The following DSCAM variants were observed in gnomAD, a reference collection of about 807,000 sequenced individuals.
DSCAM encodes DS cell adhesion molecule, also known as cell adhesion molecule DSCAM.
In DSCAM, 47 loss-of-function variants were observed where a neutral mutation model predicts 217.7. That is an observed-to-expected ratio of 0.22 (90% confidence interval 0.17 to 0.28). The LOEUF is 0.28. Among genes scored for constraint, DSCAM ranks in the 10% least tolerant of loss-of-function variants. The probability of loss-of-function intolerance (pLI) is 1.00; values close to 1 mark genes in which losing one functional copy is unlikely to be tolerated. For missense variants in DSCAM, 2,080 were observed against 2,618.3 expected (o/e 0.79, Z 4.49); for synonymous variants, 1,056 against 1,015.3 (o/e 1.04, Z -0.76).
intron 2 of DSCAM, among the ~76,000 whole-genome samples, chr21:40,706,613 C>A (rs904284027): frequency 6.6e-6 from 1 of 152,120 alleles, no homozygotes; most frequent in Non-Finnish European, 1.5e-5. Context: ...GAAGAGGATA[C>A]CCCGTGAGTG....
chr21:40,260,017 G>A (rs953068100), intron 11 of DSCAM, among the ~76,000 whole-genome samples: 10 of 151,838 alleles, frequency 6.6e-5, no homozygotes, highest in East Asian at 2.0e-4. Flanking sequence ...GTGAGCCACC[G>A]CGCCCAGCCG....
At chr21:40,277,430 G>C (rs1406108534) in intron 10 of DSCAM, among the ~76,000 whole-genome samples, 1 of 152,134 alleles carries the variant, frequency 6.6e-6, no homozygotes, top group Non-Finnish European at 1.5e-5. Context: ...CACAATGGCA[G>C]AGACTGTGGC....
chr21:40,710,445 A>G (rs964693866), intron 1 of DSCAM, among the ~76,000 whole-genome samples: 7 of 152,180 alleles, frequency 4.6e-5, no homozygotes, highest in African/African-American at 1.2e-4. Context: ...AAAATGTACC[A>G]TTTTTATAAC....
intron 4 of DSCAM, among the ~76,000 whole-genome samples, chr21:40,366,594 T>A (rs533317238): frequency 6.6e-5 from 10 of 152,160 alleles, no homozygotes; most frequent in African/African-American, 2.4e-4. Flanking sequence ...TAGTTACTTA[T>A]AATCAAAACT....
intron 32 of DSCAM, among the ~76,000 whole-genome samples, chr21:40,039,082 G>T (rs58427090): frequency 1.3e-5 from 2 of 150,118 alleles, no homozygotes; most frequent in Non-Finnish European, 1.5e-5. Context: ...ACCAGTTAGT[G>T]GGTGCAGCGC....
chr21:40,531,354 CCT>C (rs1413585522), intron 3 of DSCAM, among the ~76,000 whole-genome samples: 2 of 152,184 alleles, frequency 1.3e-5, no homozygotes, highest in Admixed American at 1.3e-4. Flanking sequence ...TTCATTCACC[CCT>C]GTCTCCGTTT....
intron 20 of DSCAM, among the ~76,000 whole-genome samples, chr21:40,117,043 T>G (rs2146652175): frequency 7.1e-6 from 1 of 140,460 alleles, no homozygotes. Flanking sequence ...CATCCTTAAG[T>G]CATTTAAATA....
intron 32 of DSCAM, among the ~76,000 whole-genome samples, chr21:40,039,910 A>G (rs1188051516): frequency 6.6e-6 from 1 of 152,230 alleles, no homozygotes; most frequent in Non-Finnish European, 1.5e-5. Context: ...GGAAGACTAT[A>G]AACAGAAACA....
Position 40,136,670 on chromosome 21 carries a change from G to T in DSCAM, c.3407-2661C>A, listed in dbSNP as rs978249970. ...GATCAGGGCAGGGTGCTGGTAGCTGGTTATGAGACTCTGATGAAGGTCTTT... is the reference window on the plus strand; with the variant it reads ...GATCAGGGCAGGGTGCTGGTAGCTGTTTATGAGACTCTGATGAAGGTCTTT... On this transcript the variant is annotated intron_variant, in intron 18 of 32. Transcript: ENST00000400454. Among the ~76,000 whole-genome samples the T allele has an allele frequency of 8.5e-5, 13 of 152,256 alleles. No individual in the cohort carries two copies. In the East Asian group the frequency reaches 2.1e-3, roughly 25 times the overall value.
intron 3 of DSCAM, among the ~76,000 whole-genome samples, chr21:40,466,957 T>C (rs567882861): frequency 1.3e-5 from 2 of 152,356 alleles, no homozygotes; most frequent in East Asian, 3.9e-4. Flanking sequence ...TTTTTTCTTG[T>C]TTATTTCACT....
chr21:40,700,735 CT>C (rs775869471), intron 2 of DSCAM, among the ~76,000 whole-genome samples: 2,428 of 137,860 alleles, frequency 0.018, 47 homozygotes, highest in African/African-American at 0.055. Context: ...TTCTTTCTTT[CT>C]TTTTTTTTTT....
At chr21:40,187,109 C>G in intron 14 of DSCAM, 22 bp downstream of exon 14, 4 of 1,610,776 alleles carry the variant, frequency 2.5e-6, no homozygotes, top group Non-Finnish European at 3.4e-6. Flanking sequence ...GGAAGGGAAG[C>G]TGGAGGAAGT....
rs542720333 is a variant in DSCAM at position 40,241,766 on chromosome 21, A to C, written c.2356+34331T>G. Among the ~76,000 whole-genome samples, 13 of 152,348 alleles carry C rather than the reference A, an allele frequency of 8.5e-5. 2 individuals are homozygous for C. The South Asian group carries it at 2.7e-3, about 32-fold the overall frequency. ...CCACCTAAATGCCCATCAATGACAG[A>C]TTGAATAAAGAAACTGCCGTATATA... is the stretch of plus-strand genomic sequence containing the variant. On this transcript the variant is annotated intron_variant, in intron 11 of 32. Transcript: ENST00000400454.
rs150690345 is a variant in DSCAM, at chr21:40,028,543, A to G, written c.5686+13828T>C. ...CCCTCCAAGCCAGGTGCGGGATATAATCTCGTGGTGCGCCATGTTTTAAGC... is the reference window on the plus strand; with the variant it reads ...CCCTCCAAGCCAGGTGCGGGATATAGTCTCGTGGTGCGCCATGTTTTAAGC... On this transcript the variant is annotated intron_variant, in intron 32 of 32. Coordinates refer to ENST00000400454, the MANE Select transcript of DSCAM (RefSeq NM_001389.5). Among the ~76,000 whole-genome samples the G allele has an allele frequency of 3.4e-3, 513 of 149,070 alleles. 2 individuals carry two copies. Among genetic ancestry groups the G allele is most frequent in the Non-Finnish European group, 4.2e-3 (280 of 66,084 alleles).
intron 1 of DSCAM, among the ~76,000 whole-genome samples, chr21:40,767,082 C>G (rs1005987508): frequency 1.7e-4 from 26 of 152,160 alleles, no homozygotes; most frequent in African/African-American, 5.8e-4. Context: ...AAATGTGGAA[C>G]AGGGAACAAA....
intron 32 of DSCAM, among the ~76,000 whole-genome samples, chr21:40,030,315 C>A (rs2088496146): frequency 6.6e-6 from 1 of 150,842 alleles, no homozygotes; most frequent in South Asian, 2.1e-4. Flanking sequence ...ACAGAGATCC[C>A]CACTGATCAA....
chr21:40,155,959 A>G (rs2090471808), intron 16 of DSCAM, among the ~76,000 whole-genome samples: 1 of 152,032 alleles, frequency 6.6e-6, no homozygotes, highest in Non-Finnish European at 1.5e-5. Context: ...CCAAGCCAGG[A>G]GTCGCCCCAG....
intron 15 of DSCAM, among the ~76,000 whole-genome samples, chr21:40,175,823 A>G (rs976268027): frequency 2.0e-5 from 3 of 150,674 alleles, no homozygotes; most frequent in Non-Finnish European, 3.0e-5. Context: ...ACACACACAC[A>G]CGCACACACA....
intron 1 of DSCAM, among the ~76,000 whole-genome samples, chr21:40,753,882 A>G (rs2091251399): frequency 6.6e-6 from 1 of 152,214 alleles, no homozygotes; most frequent in African/African-American, 2.4e-5. Flanking sequence ...GTCACGAACA[A>G]AAACTTACAG....
Sources: allele counts gnomAD v4.1 joint callset (sites outside exome capture counted in the v4.1 genomes callset), GRCh38; gene constraint gnomAD v4.1.1; transcripts MANE v1.5; gene names NCBI Gene and HGNC (gene_info 2026-07-23, HGNC 2026-07-21).